CDKL2: variants seen among roughly 807,000 people sequenced by gnomAD.
CDKL2 encodes the protein cyclin dependent kinase like 2, also known as cyclin-dependent kinase-like 2.
CDKL2 carries 64 observed loss-of-function variants against 63.9 expected under a neutral mutation model. The ratio of observed to expected loss-of-function variants is 1.00; its 90% CI spans 0.82 to 1.23. CDKL2 has a LOEUF of 1.23. CDKL2 is among the 50% of genes most tolerant of loss of function. The pLI, the probability that CDKL2 is intolerant of heterozygous loss-of-function variation, is 0.00. For missense variants in CDKL2, 656 were observed against 668.0 expected (o/e 0.98, Z 0.20); for synonymous variants, 211 against 229.2 (o/e 0.92, Z 0.72).
intron 12 of CDKL2, among the ~76,000 whole-genome samples, chr4:75,583,788 G>C (rs1728356571): frequency 6.6e-6 from 1 of 151,936 alleles, no homozygotes; most frequent in Non-Finnish European, 1.5e-5. Flanking sequence ...AAAAATTAGT[G>C]ATGTATATTG....
intron 11 of CDKL2, 30 bp downstream of exon 11, chr4:75,592,116 C>G (rs1395563434): frequency 6.6e-7 from 1 of 1,506,848 alleles, no homozygotes; most frequent in African/African-American, 1.4e-5. Context: ...TCTAAACAGA[C>G]TACACAAAGT....
intron 12 of CDKL2, among the ~76,000 whole-genome samples, chr4:75,591,421 G>C (rs972280679): frequency 4.6e-5 from 7 of 152,020 alleles, no homozygotes; most frequent in Non-Finnish European, 8.8e-5. Context: ...ACATAGCAAG[G>C]CCTCATCTCT....
chr4:75,591,619 A>G (rs940921932), intron 12 of CDKL2, among the ~76,000 whole-genome samples, 200 bp downstream of exon 12: 71 of 152,222 alleles, frequency 4.7e-4, no homozygotes, highest in African/African-American at 1.7e-3. Flanking sequence ...GTATTATGGG[A>G]AGTTAGGAAA....
intron 3 of CDKL2, among the ~76,000 whole-genome samples, chr4:75,611,655 T>TA (rs967365633): frequency 1.4e-5 from 2 of 146,172 alleles, no homozygotes; most frequent in African/African-American, 5.0e-5. Flanking sequence ...GGAACCACCT[T>TA]TTTTTTTTTT....
At chr4:75,606,445 C>T (rs1336343050) in intron 4 of CDKL2, among the ~76,000 whole-genome samples, 2 of 152,156 alleles carry the variant, frequency 1.3e-5, no homozygotes, top group East Asian at 1.9e-4. Flanking sequence ...GAACTCCTGA[C>T]CTCATGATCC....
chr4:75,619,602 A>T (rs894418838), intron 2 of CDKL2, among the ~76,000 whole-genome samples: 1 of 144,164 alleles, frequency 6.9e-6, no homozygotes, highest in Non-Finnish European at 1.5e-5. Flanking sequence ...AAAAAAAAAA[A>T]GCACACCAGA....
In CDKL2 at chr4:75,581,957, C is replaced by A. The variant is rs140685902; in HGVS notation, c.1648-59G>T. ...AGTAATTGCAAAAGTTCCACTTCCC[C>A]AAAATTTCAATTCTATTTGTTCAAA... On this transcript the variant is annotated intron_variant, in intron 12 of 13. Transcript: ENST00000307465. 3.4e-5 allele frequency: 37 copies of A among 1,082,408 alleles called. No homozygotes were observed. The African/African-American group carries it at 4.3e-4, about 13-fold the overall frequency. The allele number at this position is 1,082,408 out of a possible 1,614,324, so 67.1% of individuals were successfully genotyped here.
rs953623635 is a variant in CDKL2 at position 75,605,560 on chromosome 4, G to A, written c.617C>T (p.Ser206Phe). The change falls in exon 5 of 14, where the codon TCT (serine) becomes TTT (phenylalanine). Residue 206 changes from serine to phenylalanine, a missense_variant. Coordinates refer to ENST00000307465, the MANE Select transcript of CDKL2 (RefSeq NM_001330724.2). ...AATATGATATAGCTGATCAATATCA[G>A]AATCTCCAGGAAATAGGGGTTCCCC... ...FMGEPLFPGD[S>F]DIDQLYHIMM... 6.2e-7 allele frequency: 1 copy of A among 1,612,058 alleles called. No individual in the cohort carries two copies. Among genetic ancestry groups the A allele is most frequent in the Non-Finnish European group, 8.5e-7 (1 of 1,178,362 alleles).
chr4:75,621,184 C>T (rs933873566), intron 2 of CDKL2, among the ~76,000 whole-genome samples: 1 of 151,878 alleles, frequency 6.6e-6, no homozygotes, highest in African/African-American at 2.4e-5. Context: ...GATCCGCCCA[C>T]CTTGGCCTCC....
intron 13 of CDKL2, among the ~76,000 whole-genome samples, chr4:75,579,916 A>G (rs57787468): frequency 6.6e-6 from 1 of 152,356 alleles, no homozygotes; most frequent in African/African-American, 2.4e-5. Flanking sequence ...TTCACAGTAC[A>G]TTCACCTTTG....
At position 75,577,966 on chromosome 4, in the gene CDKL2, A is replaced by G. The variant is rs1175037026; in HGVS notation, c.*1236T>C. 1 of 151,394 alleles carries G rather than the reference A, an allele frequency of 6.6e-6. No homozygotes were observed. Among genetic ancestry groups the G allele is most frequent in the African/African-American group, 2.4e-5 (1 of 41,100 alleles). The allele number at this position is 151,394 out of a possible 1,614,324, so 9.4% of individuals were successfully genotyped here. A position where few individuals can be genotyped will look rare whatever the true frequency, so the allele number is the denominator to read the frequency against. On this transcript the variant is annotated 3_prime_UTR_variant, in exon 14 of 14. Transcript: ENST00000307465. The stretch of plus-strand genomic sequence containing the variant: ...AAGTTCTAGTCAATGGCTTTGGAAA[A>G]AAAGCAACACACTATTAATTAGTTA...
intron 10 of CDKL2, 135 bp from the exon 11 acceptor site, chr4:75,592,404 T>A: frequency 1.6e-6 from 1 of 609,660 alleles, no homozygotes; most frequent in Non-Finnish European, 2.5e-6. Context: ...TGAAGGACAT[T>A]AATAATACAA....
Position 75,592,195 on chromosome 4 carries a change from A to T in CDKL2, c.1491T>A (p.Pro497=). ...REYSRTDVRL[P]ELNYNHLPEL... is the part of the protein sequence containing the mutation. ...CAGGGAGATGATTATAGTTTAGTTC[A>T]GGCAAACGGACATCTGTCCTGGAGT... Residue 497 remains proline (P), a synonymous_variant, in exon 11 of 14, where the codon CCT becomes CCA. Coordinates refer to ENST00000307465, the MANE Select transcript of CDKL2 (RefSeq NM_001330724.2). The T allele has an allele frequency of 6.5e-7, 1 of 1,535,346 alleles. No homozygotes were observed. The highest frequency in any genetic ancestry group is 8.7e-7 in the Non-Finnish European group (1 of 1,146,586).
At chr4:75,587,336 C>T (rs1200402719) in intron 12 of CDKL2, among the ~76,000 whole-genome samples, 1 of 152,028 alleles carries the variant, frequency 6.6e-6, no homozygotes, top group African/African-American at 2.4e-5. Flanking sequence ...TGCCTGTAAT[C>T]CCAGTAACTC....
intron 12 of CDKL2, among the ~76,000 whole-genome samples, chr4:75,582,641 A>G (rs968475485): frequency 2.6e-5 from 4 of 152,030 alleles, no homozygotes; most frequent in African/African-American, 7.2e-5. Context: ...ATGACCAACA[A>G]CTCCCCAAAT....
At chr4:75,627,567 G>C (rs1578359932) in intron 1 of CDKL2, among the ~76,000 whole-genome samples, 1 of 152,002 alleles carries the variant, frequency 6.6e-6, no homozygotes, top group South Asian at 2.1e-4. Flanking sequence ...CAGAGCGCCC[G>C]GCCTGAATTT....
intron 1 of CDKL2, among the ~76,000 whole-genome samples, chr4:75,627,338 T>A (rs1730467144): frequency 1.3e-5 from 2 of 152,000 alleles, no homozygotes; most frequent in Non-Finnish European, 2.9e-5. Flanking sequence ...AGTGGTGAGA[T>A]TTAGGCTCAC....
At chr4:75,618,822 T>C (rs889981216) in intron 2 of CDKL2, among the ~76,000 whole-genome samples, 1 of 152,082 alleles carries the variant, frequency 6.6e-6, no homozygotes, top group African/African-American at 2.4e-5. Context: ...CAATTAAAGC[T>C]AGGACCCAAA....
Position 75,588,404 on chromosome 4 carries a change from T to G in CDKL2, c.1647+3415A>C, listed in dbSNP as rs572830829. ...CTAACAAAACCTTAATGTTAAAACA[T>G]GACAAATATATCTTTTTTAAAAAAG... On this transcript the variant is annotated intron_variant, in intron 12 of 13. Transcript: ENST00000307465. 1.1e-4 allele frequency among the ~76,000 whole-genome samples: 16 copies of G among 152,184 alleles called. No individual in the cohort carries two copies. In the East Asian group the frequency reaches 3.1e-3, roughly 29 times the overall value.
Sources: gnomAD v4.1 joint callset for allele counts (sites outside exome capture counted in the v4.1 genomes callset) on GRCh38, gnomAD v4.1.1 for gene constraint, MANE v1.5 for transcripts, NCBI Gene and HGNC (gene_info 2026-07-23, HGNC 2026-07-21) for gene names.